QPCT: variants seen among roughly 807,000 people sequenced by gnomAD.
QPCT encodes EC.
QPCT carries 44 observed loss-of-function variants against 43.4 expected under a neutral mutation model. The observed-to-expected ratio is 1.01, with a 90% CI of 0.80 to 1.30. The LOEUF (loss-of-function observed/expected upper bound fraction) is 1.30, where lower values mean the gene tolerates loss of function less well. Among genes scored for constraint, QPCT ranks in the 50% most tolerant of loss-of-function variants. QPCT has a pLI of 0.00. For missense variants in QPCT, 526 were observed against 436.5 expected (o/e 1.21, Z -1.83); for synonymous variants, 168 against 168.4 (o/e 1.00, Z 0.02).
chr2:37,359,555 T>C (rs934923886), intron 2 of QPCT, 25 bp from the exon 3 acceptor site: 5 of 1,578,480 alleles, frequency 3.2e-6, no homozygotes, highest in East Asian at 2.3e-5. Context: ...TAGATCTAAA[T>C]TTTTTGTTTT....
chr2:37,366,213 A>G (rs1558606459), intron 3 of QPCT, among the ~76,000 whole-genome samples: 5 of 152,202 alleles, frequency 3.3e-5, no homozygotes, highest in Admixed American at 2.6e-4. Context: ...ACCAGGACCA[A>G]TCTGAAAGAC....
intron 1 of QPCT, among the ~76,000 whole-genome samples, chr2:37,348,782 G>T (rs1004479011): frequency 2.6e-5 from 4 of 152,182 alleles, no homozygotes; most frequent in Non-Finnish European, 5.9e-5. Flanking sequence ...GGCAGGGGCT[G>T]TAACAGAGCC....
rs1370462773 is a variant in QPCT, at chr2:37,344,711, C to A, written c.-21C>A. Reference sequence around the variant, plus strand: ...GACCGCCAGCGGCCCGGGGAACCCGCTCCCAGACAGACTCGGAGAGATGGC... The same window carrying A: ...GACCGCCAGCGGCCCGGGGAACCCGATCCCAGACAGACTCGGAGAGATGGC... On this transcript the variant is annotated 5_prime_UTR_variant, in exon 1 of 7. Transcript: ENST00000338415. 4 of 1,591,294 alleles carry A rather than the reference C, an allele frequency of 2.5e-6. No individual in the cohort carries two copies. In the South Asian group the frequency reaches 3.4e-5, roughly 13 times the overall value.
At chr2:37,358,340 G>T (rs2124936494) in intron 2 of QPCT, among the ~76,000 whole-genome samples, 1 of 152,252 alleles carries the variant, frequency 6.6e-6, no homozygotes, top group South Asian at 2.1e-4. Flanking sequence ...AGGATGTTGA[G>T]GCAGGAGAAT....
intron 3 of QPCT, among the ~76,000 whole-genome samples, chr2:37,364,788 T>C (rs1304998742): frequency 1.3e-5 from 2 of 152,216 alleles, no homozygotes; most frequent in Admixed American, 6.5e-5. Flanking sequence ...TTAACGTCTA[T>C]GTGGAGATCT....
At chr2:37,355,051 T>C (rs1672712149) in intron 2 of QPCT, among the ~76,000 whole-genome samples, 1 of 152,208 alleles carries the variant, frequency 6.6e-6, no homozygotes, top group Admixed American at 6.5e-5. Context: ...GTTACTGAAG[T>C]TTCAGTAACA....
At chr2:37,365,801 G>T (rs894639177) in intron 3 of QPCT, among the ~76,000 whole-genome samples, 6 of 152,342 alleles carry the variant, frequency 3.9e-5, no homozygotes, top group Middle Eastern at 3.4e-3. Flanking sequence ...AGGTGGCAGG[G>T]AGAGGAGGAA....
At chr2:37,352,110 T>G (rs971211773) in intron 1 of QPCT, among the ~76,000 whole-genome samples, 4 of 152,026 alleles carry the variant, frequency 2.6e-5, no homozygotes, top group African/African-American at 9.6e-5. Context: ...GAAAAAGGGG[T>G]AAAATTAATT....
At position 37,359,864 on chromosome 2, in the gene QPCT, T is replaced by G. The variant is rs771179889; in HGVS notation, c.546+6T>G. 6.2e-7 allele frequency: 1 copy of G among 1,611,988 alleles called. No homozygotes were observed. The highest frequency in any genetic ancestry group is 8.5e-7 in the Non-Finnish European group (1 of 1,178,200). On this transcript the variant is annotated splice_donor_region_variant and intron_variant, in intron 3 of 6. Coordinates refer to ENST00000338415, the MANE Select transcript of QPCT (RefSeq NM_012413.4). ...AGAAACTCCTTTCCTTAAAGGTATC[T>G]GTTTTCTGCTTATTGATTCCTAGGA...
intron 2 of QPCT, among the ~76,000 whole-genome samples, chr2:37,358,121 A>AAAAAG (rs1553385444): frequency 2.0e-5 from 3 of 150,658 alleles, no homozygotes; most frequent in African/African-American, 7.5e-5. Flanking sequence ...AAAAAAAAAA[A>AAAAAG]AAAGAAACAG....
chr2:37,368,595 T>G, intron 4 of QPCT: 1 of 471,128 alleles, frequency 2.1e-6, no homozygotes, highest in South Asian at 1.5e-5. Context: ...CTAACACACC[T>G]CCTGTTGGCA....
At chr2:37,345,289 A>G (rs1369041415) in intron 1 of QPCT, among the ~76,000 whole-genome samples, 1 of 139,374 alleles carries the variant, frequency 7.2e-6, no homozygotes, top group Non-Finnish European at 1.6e-5. Context: ...CCGCTGCTTC[A>G]TCCAAGGATG....
chr2:37,358,211 G>C (rs116660600), intron 2 of QPCT, among the ~76,000 whole-genome samples: 1,891 of 151,330 alleles, frequency 0.012, 43 homozygotes, highest in African/African-American at 0.043. Context: ...CCAGGAGTTT[G>C]AGACCAGCCC....
intron 3 of QPCT, among the ~76,000 whole-genome samples, chr2:37,361,906 G>A (rs17020573): frequency 0.057 from 8,622 of 152,232 alleles, 650 homozygotes; most frequent in African/African-American, 0.18. Context: ...TCATACATCA[G>A]GCCAGTCAGA....
intron 2 of QPCT, among the ~76,000 whole-genome samples, chr2:37,358,361 G>A (rs575170465): frequency 1.5e-4 from 23 of 152,020 alleles, no homozygotes; most frequent in Admixed American, 6.6e-5. Flanking sequence ...TGCTTGAACC[G>A]AGGAGGCGGA....
At chr2:37,347,144 T>TTTTTTATATATATA (rs1389307350) in intron 1 of QPCT, among the ~76,000 whole-genome samples, 3 of 55,344 alleles carry the variant, frequency 5.4e-5, no homozygotes, top group Admixed American at 3.3e-4. Flanking sequence ...ATGGGGTGTT[T>TTTTTTATATATATA]TATATATATA....
chr2:37,352,144 T>C (rs1381856352), intron 1 of QPCT, among the ~76,000 whole-genome samples: 1 of 152,164 alleles, frequency 6.6e-6, no homozygotes, highest in East Asian at 1.9e-4. Context: ...TCATTTAACC[T>C]AATATGTCAA....
chr2:37,347,179 A>ATATATATAT (rs1244639524), intron 1 of QPCT, among the ~76,000 whole-genome samples: 3 of 50,772 alleles, frequency 5.9e-5, no homozygotes, highest in Admixed American at 5.7e-4. Context: ...ATATATATAT[A>ATATATATAT]ACATATATAT....
At chr2:37,369,397 A>G (rs1201650689) in intron 4 of QPCT, among the ~76,000 whole-genome samples, 1 of 152,248 alleles carries the variant, frequency 6.6e-6, no homozygotes, top group Non-Finnish European at 1.5e-5. Context: ...TTCACAAAAT[A>G]TTCATCCAAA....
Sources: allele counts gnomAD v4.1 joint callset (sites outside exome capture counted in the v4.1 genomes callset), GRCh38; gene constraint gnomAD v4.1.1; transcripts MANE v1.5; gene names NCBI Gene and HGNC (gene_info 2026-07-23, HGNC 2026-07-21).